GNB1: variants seen among roughly 807,000 people sequenced by gnomAD.
GNB1 encodes G protein subunit beta 1.
In GNB1, 2 loss-of-function variants were observed where a neutral mutation model predicts 42.9. That is an observed-to-expected ratio of 0.05 (90% CI 0.02 to 0.15). The LOEUF (loss-of-function observed/expected upper bound fraction) is 0.15, where lower values mean the gene tolerates loss of function less well. Among genes scored for constraint, GNB1 ranks in the 10% least tolerant of loss-of-function variants. GNB1 has a pLI of 1.00. For synonymous variants in GNB1, 183 were observed against 174.7 expected (o/e 1.05, Z -0.38); for missense variants, 193 against 462.2 (o/e 0.42, Z 5.34).
chr1:1,872,330 A>G (rs1295479651), intron 1 of GNB1, among the ~76,000 whole-genome samples: 1 of 152,112 alleles, frequency 6.6e-6, no homozygotes, highest in East Asian at 1.9e-4. Context: ...AAATTTTTCA[A>G]CGGCTTCCCA....
intron 1 of GNB1, among the ~76,000 whole-genome samples, chr1:1,849,221 GGA>G (rs1316470453): frequency 6.6e-6 from 1 of 152,184 alleles, no homozygotes; most frequent in East Asian, 1.9e-4. Context: ...GAGAGGGCTT[GGA>G]GGATGTGTGC....
At chr1:1,866,449 G>C (rs1427756615) in intron 1 of GNB1, among the ~76,000 whole-genome samples, 1 of 152,112 alleles carries the variant, frequency 6.6e-6, no homozygotes. Flanking sequence ...ATAAAGGAAG[G>C]CCACCTTAAA....
Position 1,798,925 on chromosome 1 carries a change from C to CTTT in GNB1, c.430+5491_430+5493dup, listed in dbSNP as rs34414397. Among the ~76,000 whole-genome samples the CTTT allele has an allele frequency of 2.2e-4, 31 of 141,656 alleles. 1 individual carries two copies. Among genetic ancestry groups the CTTT allele is most frequent in the East Asian group, 1.2e-3 (6 of 4,806 alleles). 92.9% of individuals were successfully genotyped at this position (141,656 alleles called of 152,430 possible). ...TATGTCACCCAGACTCACAAACACT[C>CTTT]TTTTTTTTTTTTTTGAGACGGAGTC... is the stretch of plus-strand genomic sequence containing the variant. On this transcript the variant is annotated intron_variant, in intron 7 of 11. Coordinates refer to ENST00000378609, the MANE Select transcript of GNB1 (RefSeq NM_002074.5).
chr1:1,835,134 G>T (rs1162916792), intron 2 of GNB1, among the ~76,000 whole-genome samples: 1 of 152,212 alleles, frequency 6.6e-6, no homozygotes, highest in Non-Finnish European at 1.5e-5. Flanking sequence ...TGGGCGGTGG[G>T]GGTTAGAATT....
chr1:1,842,378 C>A (rs1316678764), intron 1 of GNB1, among the ~76,000 whole-genome samples: 2 of 150,192 alleles, frequency 1.3e-5, no homozygotes, highest in Admixed American at 1.3e-4. Context: ...TGCAGTGAGC[C>A]AAGGTTGCAC....
chr1:1,802,801 G>A (rs75721510), intron 7 of GNB1, among the ~76,000 whole-genome samples: 196 of 151,944 alleles, frequency 1.3e-3, no homozygotes, highest in African/African-American at 4.5e-3. Flanking sequence ...ACAAATGTGT[G>A]TGATGTGGCT....
At chr1:1,877,359 T>C (rs1255535525) in intron 1 of GNB1, among the ~76,000 whole-genome samples, 1 of 146,526 alleles carries the variant, frequency 6.8e-6, no homozygotes, top group Non-Finnish European at 1.5e-5. Flanking sequence ...GGACCCCCAA[T>C]CCGAGGAAAA....
At chr1:1,835,478 A>T (rs915424419) in intron 2 of GNB1, among the ~76,000 whole-genome samples, 1 of 151,906 alleles carries the variant, frequency 6.6e-6, no homozygotes, top group African/African-American at 2.4e-5. Context: ...ACTTGCTATG[A>T]AAGCAGGTGT....
intron 7 of GNB1, among the ~76,000 whole-genome samples, chr1:1,796,869 T>TA (rs780627730): frequency 6.6e-6 from 1 of 152,070 alleles, no homozygotes; most frequent in Admixed American, 6.6e-5. Flanking sequence ...ACAAGGCTGT[T>TA]AAAGTCCAGG....
intron 1 of GNB1, among the ~76,000 whole-genome samples, chr1:1,856,902 C>G (rs147730978): frequency 9.8e-5 from 15 of 152,346 alleles, no homozygotes; most frequent in Non-Finnish European, 1.9e-4. Flanking sequence ...TTGTACTGTT[C>G]ACTCTTCTGA....
At chr1:1,877,146 C>T (rs1649587816) in intron 1 of GNB1, among the ~76,000 whole-genome samples, 1 of 151,532 alleles carries the variant, frequency 6.6e-6, no homozygotes, top group Non-Finnish European at 1.5e-5. Context: ...ACTAAAAATA[C>T]AAAATTAGCC....
intron 1 of GNB1, among the ~76,000 whole-genome samples, chr1:1,839,981 A>G (rs1038129997): frequency 5.3e-5 from 8 of 151,880 alleles, no homozygotes; most frequent in African/African-American, 1.5e-4. Context: ...GTGGCTAACT[A>G]AAAATTAAAT....
chr1:1,834,049 A>G (rs1429643747), intron 2 of GNB1, among the ~76,000 whole-genome samples: 1 of 152,120 alleles, frequency 6.6e-6, no homozygotes, highest in Non-Finnish European at 1.5e-5. Context: ...AAGGAGAGAA[A>G]GCAAACAATG....
At chr1:1,834,538 C>A (rs1028946752) in intron 2 of GNB1, among the ~76,000 whole-genome samples, 1 of 152,084 alleles carries the variant, frequency 6.6e-6, no homozygotes, top group Non-Finnish European at 1.5e-5. Context: ...CAAAGCCAAA[C>A]TTTATATGTA....
At chr1:1,862,983 C>A (rs928228455) in intron 1 of GNB1, among the ~76,000 whole-genome samples, 8 of 152,134 alleles carry the variant, frequency 5.3e-5, no homozygotes, top group African/African-American at 1.9e-4. Context: ...TCATTCAGCC[C>A]CACGCCAGGC....
intron 2 of GNB1, among the ~76,000 whole-genome samples, chr1:1,829,018 A>T (rs1441975785): frequency 6.6e-6 from 1 of 152,200 alleles, no homozygotes; most frequent in Non-Finnish European, 1.5e-5. Context: ...TTTTTTAAAA[A>T]AATTACATTC....
chr1:1,788,271 C>G (rs1430155478), intron 10 of GNB1: 1 of 152,762 alleles, frequency 6.5e-6, no homozygotes, highest in Non-Finnish European at 1.5e-5. Context: ...CCAGAAGCTC[C>G]ACTTCCTCCC....
At chr1:1,852,674 T>A (rs1648057053) in intron 1 of GNB1, among the ~76,000 whole-genome samples, 1 of 150,574 alleles carries the variant, frequency 6.6e-6, no homozygotes, top group South Asian at 2.1e-4. Context: ...ACAGTGAGAC[T>A]CTGTCTCTTA....
chr1:1,802,215 G>A (rs1646635382), intron 7 of GNB1, among the ~76,000 whole-genome samples: 3 of 151,946 alleles, frequency 2.0e-5, no homozygotes, highest in Non-Finnish European at 4.4e-5. Flanking sequence ...AAATCAGGCC[G>A]AGATACAACA....
Sources: gnomAD v4.1 joint callset for allele counts (sites outside exome capture counted in the v4.1 genomes callset) on GRCh38, gnomAD v4.1.1 for gene constraint, MANE v1.5 for transcripts, NCBI Gene and HGNC (gene_info 2026-07-23, HGNC 2026-07-21) for gene names.